The following ADARB2 variants were observed in gnomAD, a reference collection of about 807,000 sequenced individuals.
The protein encoded by ADARB2 is inactive double-stranded RNA-specific editase B2.
ADARB2 carries 25 observed loss-of-function variants against 62.2 expected under a neutral mutation model. That is an observed-to-expected ratio of 0.40 (90% CI 0.29 to 0.56). ADARB2 has a LOEUF of 0.56. Ranked by LOEUF, ADARB2 falls within the 20% of genes least tolerant of loss-of-function variation. ADARB2 has a pLI of 0.43. For synonymous variants in ADARB2, 572 were observed against 500.8 expected (o/e 1.14, Z -1.90); for missense variants, 1,071 against 1,077.4 (o/e 0.99, Z 0.08).
At chr10:1,342,865 T>A (rs1442402803) in intron 3 of ADARB2, among the ~76,000 whole-genome samples, 1 of 152,342 alleles carries the variant, frequency 6.6e-6, no homozygotes, top group South Asian at 2.1e-4. Context: ...CCTCCCTGCA[T>A]CTCAAAAACA....
rs1834863307 is a variant in ADARB2, at chr10:1,704,567, A to G, written c.100+32484T>C. ...AATATAGATGAAGCCTTGCTCACTA[A>G]CCTCCTGCTGTGCAGCCCAGCTCCT... On this transcript the variant is annotated intron_variant, in intron 1 of 9. Transcript: ENST00000381312. This position sits in a 1 kb window ranked among gnomAD's most constrained non-coding sequence, Gnocchi z 5.6. Among the ~76,000 whole-genome samples the G allele has an allele frequency of 6.6e-6, 1 of 152,084 alleles. No individual in the cohort carries two copies. Among genetic ancestry groups the G allele is most frequent in the Non-Finnish European group, 1.5e-5 (1 of 68,022 alleles).
At chr10:1,292,234 A>T (rs376490127) in intron 3 of ADARB2, 36 of 152,230 alleles carry the variant, frequency 2.4e-4, no homozygotes, top group East Asian at 9.6e-4. Context: ...CACAGTGCTG[A>T]GATTACAGGC....
chr10:1,301,169 G>C (rs1341733751), intron 3 of ADARB2, among the ~76,000 whole-genome samples: 1 of 152,202 alleles, frequency 6.6e-6, no homozygotes, highest in African/African-American at 2.4e-5. Context: ...ATAAAATCGT[G>C]GCACAGGGAT....
chr10:1,602,851 CTACA>C (rs924164353), intron 1 of ADARB2, among the ~76,000 whole-genome samples: 1 of 151,882 alleles, frequency 6.6e-6, no homozygotes, highest in African/African-American at 2.4e-5. Context: ...ACACACACCT[CTACA>C]TACACACATA....
intron 1 of ADARB2, among the ~76,000 whole-genome samples, chr10:1,435,941 AG>A (rs1830830667): frequency 6.6e-6 from 1 of 152,250 alleles, no homozygotes; most frequent in African/African-American, 2.4e-5. Flanking sequence ...TGCTTGTGAC[AG>A]CACCACCTTT....
intron 4 of ADARB2, among the ~76,000 whole-genome samples, chr10:1,264,861 C>T (rs995662689): frequency 8.5e-5 from 13 of 152,118 alleles, no homozygotes; most frequent in Middle Eastern, 3.4e-3. Context: ...AATTGTGGAG[C>T]GATAAAGCTG....
intron 1 of ADARB2, among the ~76,000 whole-genome samples, chr10:1,637,410 C>A (rs1194461917): frequency 2.0e-5 from 3 of 152,174 alleles, no homozygotes; most frequent in Non-Finnish European, 4.4e-5. Context: ...GTGGAAAATG[C>A]AAGTCTAATG....
At chr10:1,304,044 T>C (rs1227463596) in intron 3 of ADARB2, among the ~76,000 whole-genome samples, 205 of 151,778 alleles carry the variant, frequency 1.4e-3, no homozygotes, top group Non-Finnish European at 8.1e-4. Context: ...TAAATGTAAA[T>C]GGACTAAATG....
chr10:1,694,088 T>C (rs997137784), intron 1 of ADARB2, among the ~76,000 whole-genome samples: 3 of 152,370 alleles, frequency 2.0e-5, no homozygotes, highest in Non-Finnish European at 2.9e-5. Context: ...GTTATGTATC[T>C]TGTTTGGGTT....
At chr10:1,694,027 A>C (rs762674592) in intron 1 of ADARB2, among the ~76,000 whole-genome samples, 12 of 152,184 alleles carry the variant, frequency 7.9e-5, no homozygotes, top group Non-Finnish European at 1.6e-4. Flanking sequence ...GTAAAACTTA[A>C]ATCTTTCTCT....
At chr10:1,665,422 T>C (rs1396801393) in intron 1 of ADARB2, among the ~76,000 whole-genome samples, 1 of 152,130 alleles carries the variant, frequency 6.6e-6, no homozygotes, top group Non-Finnish European at 1.5e-5. Flanking sequence ...ACGGCACACA[T>C]CTGCCTCCAC....
At chr10:1,298,825 C>A (rs1349140781) in intron 3 of ADARB2, among the ~76,000 whole-genome samples, 1 of 139,744 alleles carries the variant, frequency 7.2e-6, no homozygotes, top group Admixed American at 7.5e-5. Flanking sequence ...CTGCAGCCTC[C>A]ACCTCTGGGG....
Position 1,426,101 on chromosome 10 carries a change from C to T in ADARB2, c.101-46941G>A, listed in dbSNP as rs1001434707. 3.3e-5 allele frequency among the ~76,000 whole-genome samples: 5 copies of T among 152,176 alleles called. No individual in the cohort carries two copies. Among genetic ancestry groups the T allele is most frequent in the African/African-American group, 1.2e-4 (5 of 41,444 alleles). On this transcript the variant is annotated intron_variant, in intron 1 of 9. Coordinates refer to ENST00000381312, the MANE Select transcript of ADARB2 (RefSeq NM_018702.4). This position sits in a 1 kb window ranked among gnomAD's most constrained non-coding sequence, Gnocchi z 4.1. ...CAGAAGGTTGTGTTTATGTTTTATG[C>T]TTGATCTATAATGACACAACAAAAC...
rs1182795928 is a variant in ADARB2 at position 1,200,227 on chromosome 10, G to C, written c.1683-80C>G. 16 of 1,530,724 alleles carry C rather than the reference G, an allele frequency of 1.0e-5. No homozygotes were observed. The Admixed American group carries it at 3.1e-4, about 30-fold the overall frequency. The allele number at this position is 1,530,724 out of a possible 1,614,324, so 94.8% of individuals were successfully genotyped here. A position where few individuals can be genotyped will look rare whatever the true frequency, so the allele number is the denominator to read the frequency against. On this transcript the variant is annotated intron_variant, in intron 7 of 9. Transcript: ENST00000381312. ...GTCCTCTCTGTCCGTCTGCGGCCTGGTCCTGAGGACCTGTCAGTCTTCCCA... is the reference window on the plus strand; with the variant it reads ...GTCCTCTCTGTCCGTCTGCGGCCTGCTCCTGAGGACCTGTCAGTCTTCCCA...
Position 1,477,041 on chromosome 10 carries a change from C to T in ADARB2, c.101-97881G>A, listed in dbSNP as rs955388543. Among the ~76,000 whole-genome samples the T allele has an allele frequency of 1.5e-4, 23 of 152,156 alleles. No individual in the cohort carries two copies. Among genetic ancestry groups the T allele is most frequent in the African/African-American group, 5.6e-4 (23 of 41,440 alleles). ...ATGATGACTCTCCCCAGATCCCCACCTGGCCTACGATCCAACCCCTAGAGC... is the reference window on the plus strand; with the variant it reads ...ATGATGACTCTCCCCAGATCCCCACTTGGCCTACGATCCAACCCCTAGAGC... On this transcript the variant is annotated intron_variant, in intron 1 of 9. Transcript: ENST00000381312. The surrounding 1 kb of genome is among the most constrained non-coding windows in gnomAD (Gnocchi z 4.5).
At chr10:1,461,710 T>C (rs935429382) in intron 1 of ADARB2, among the ~76,000 whole-genome samples, 5 of 152,114 alleles carry the variant, frequency 3.3e-5, no homozygotes, top group South Asian at 2.1e-4. Flanking sequence ...ATTTTAAAGT[T>C]GTTTTTAGGC....
intron 4 of ADARB2, among the ~76,000 whole-genome samples, chr10:1,260,745 T>A (rs1831128506): frequency 7.1e-6 from 1 of 141,008 alleles, no homozygotes; most frequent in Admixed American, 7.1e-5. Flanking sequence ...ATTTACAGAT[T>A]CAATGCCATC....
chr10:1,431,614 GAAGAA>G (rs1348709240), intron 1 of ADARB2, among the ~76,000 whole-genome samples: 8 of 151,964 alleles, frequency 5.3e-5, no homozygotes, highest in African/African-American at 1.7e-4. Flanking sequence ...AAAGATGAGA[GAAGAA>G]ATCAATCAAA....
At chr10:1,581,999 C>A (rs1402210322) in intron 1 of ADARB2, among the ~76,000 whole-genome samples, 1 of 152,166 alleles carries the variant, frequency 6.6e-6, no homozygotes, top group East Asian at 1.9e-4. Flanking sequence ...GTCCACTGAG[C>A]TTGGTTGACA....
Sources: gnomAD v4.1 joint callset for allele counts (sites outside exome capture counted in the v4.1 genomes callset) on GRCh38, gnomAD v4.1.1 for gene constraint, Gnocchi (gnomAD v3.1) non-coding constraint, MANE v1.5 for transcripts, NCBI Gene and HGNC (gene_info 2026-07-23, HGNC 2026-07-21) for gene names.